The following PDE4D variants were observed in gnomAD, a reference collection of about 807,000 sequenced individuals.
The protein encoded by PDE4D is 3',5'-cyclic-AMP phosphodiesterase 4D.
PDE4D carries 24 observed loss-of-function variants against 87.4 expected under a neutral mutation model. The observed-to-expected ratio is 0.27, with a 90% confidence interval of 0.20 to 0.39. The LOEUF is 0.39. Among genes scored for constraint, PDE4D ranks in the 10% least tolerant of loss-of-function variants. The pLI is 1.00. For synonymous variants in PDE4D, 384 were observed against 383.2 expected (o/e 1.00, Z -0.02); for missense variants, 714 against 1,041.0 (o/e 0.69, Z 4.32).
intron 3 of PDE4D, among the ~76,000 whole-genome samples, chr5:59,931,736 C>CT (rs1755961729): frequency 7.6e-6 from 1 of 131,086 alleles, no homozygotes; most frequent in African/African-American, 2.8e-5. Flanking sequence ...GAGTCTCACT[C>CT]TGTCGCCCAG....
chr5:60,502,470 T>G (rs1750128972), intron 1 of PDE4D, among the ~76,000 whole-genome samples: 1 of 152,196 alleles, frequency 6.6e-6, no homozygotes, highest in Non-Finnish European at 1.5e-5. Flanking sequence ...GGCTTAGGAT[T>G]GACTTGGCAA....
At chr5:59,862,135 G>T (rs1162787577) in intron 1 of PDE4D, among the ~76,000 whole-genome samples, 1 of 151,992 alleles carries the variant, frequency 6.6e-6, no homozygotes, top group African/African-American at 2.4e-5. Context: ...ATGCCTAACT[G>T]GCCGCTCCTA....
chr5:60,193,246 A>G lies in PDE4D; in HGVS notation c.-89-7559T>C, dbSNP rs566212161. On this transcript the variant is annotated intron_variant, in intron 1 of 16. Coordinates refer to the PDE4D transcript ENST00000502484. ...TCCGGGAATGCAAAACACATGGAAC[A>G]TGAGACAAATGCAAATAAACAACTG... Among the ~76,000 whole-genome samples, 3 of 152,334 alleles carry G rather than the reference A, an allele frequency of 2.0e-5. No homozygotes were observed. In the East Asian group the frequency reaches 5.8e-4, roughly 29 times the overall value.
intron 1 of PDE4D, among the ~76,000 whole-genome samples, chr5:59,328,595 G>A (rs1382567842): frequency 6.6e-6 from 1 of 152,174 alleles, no homozygotes; most frequent in Non-Finnish European, 1.5e-5. Flanking sequence ...ACACTTCAGA[G>A]GGCTAAATTA....
intron 3 of PDE4D, among the ~76,000 whole-genome samples, chr5:59,899,915 C>T (rs994529146): frequency 3.3e-5 from 5 of 152,120 alleles, no homozygotes; most frequent in African/African-American, 1.2e-4. Context: ...ATTCATATAG[C>T]TACAGATTGA....
intron 2 of PDE4D, among the ~76,000 whole-genome samples, chr5:60,132,869 AT>A (rs1779706112): frequency 6.6e-6 from 1 of 152,114 alleles, no homozygotes; most frequent in African/African-American, 2.4e-5. Context: ...GAAAAAAAAA[AT>A]TACTCAAGTA....
intron 1 of PDE4D, among the ~76,000 whole-genome samples, chr5:60,347,307 G>T (rs993889403): frequency 6.6e-6 from 1 of 152,104 alleles, no homozygotes; most frequent in Non-Finnish European, 1.5e-5. Flanking sequence ...AAGTTAAGGA[G>T]CAGGAGAAAG....
chr5:59,103,318 G>A (rs71626136), intron 5 of PDE4D, among the ~76,000 whole-genome samples: 109 of 152,230 alleles, frequency 7.2e-4, no homozygotes, highest in Non-Finnish European at 9.4e-4. Context: ...TTTAAATGGA[G>A]TATTTACCAG....
intron 1 of PDE4D, among the ~76,000 whole-genome samples, chr5:60,309,285 CA>C (rs1020693193): frequency 4.6e-5 from 7 of 152,054 alleles, no homozygotes; most frequent in Non-Finnish European, 1.0e-4. Flanking sequence ...ATTCAGATTA[CA>C]ATGAATTCTG....
chr5:60,490,508 T>C (rs1252546710), upstream of PDE4D: 1 of 152,244 alleles, frequency 6.6e-6, no homozygotes, highest in Admixed American at 6.5e-5. Context: ...TGCCTAAAAT[T>C]ACTAATGCAC....
chr5:59,328,387 G>C, intron 1 of PDE4D, among the ~76,000 whole-genome samples: 11 of 152,176 alleles, frequency 7.2e-5, no homozygotes, highest in Admixed American at 1.3e-4. Flanking sequence ...AAGTATAGCT[G>C]TTATATGGGA....
At chr5:60,369,365 A>G (rs1453267709) in intron 1 of PDE4D, among the ~76,000 whole-genome samples, 1 of 152,086 alleles carries the variant, frequency 6.6e-6, no homozygotes, top group Non-Finnish European at 1.5e-5. Flanking sequence ...CAGAGAGGAC[A>G]TTTTGATCCT....
chr5:59,860,354 T>G (rs1162814860), intron 1 of PDE4D, among the ~76,000 whole-genome samples: 1 of 152,224 alleles, frequency 6.6e-6, no homozygotes, highest in Non-Finnish European at 1.5e-5. Flanking sequence ...AAGAGCACTT[T>G]CTTCTTAATT....
chr5:60,337,692 A>AC (rs1757934552), intron 1 of PDE4D, among the ~76,000 whole-genome samples: 2 of 152,018 alleles, frequency 1.3e-5, no homozygotes, highest in Admixed American at 1.3e-4. Context: ...TTCAGACACC[A>AC]TTTTATTCCT....
At chr5:59,032,416 C>T (rs1757722975) in intron 6 of PDE4D, among the ~76,000 whole-genome samples, 1 of 152,126 alleles carries the variant, frequency 6.6e-6, no homozygotes, top group Non-Finnish European at 1.5e-5. Flanking sequence ...CCCATCTCTA[C>T]TCAAAATACA....
intron 1 of PDE4D, among the ~76,000 whole-genome samples, chr5:59,768,007 T>G (rs1228116670): frequency 6.6e-6 from 1 of 152,136 alleles, no homozygotes; most frequent in African/African-American, 2.4e-5. Context: ...TGTAGGAACT[T>G]GCAATAGGAA....
chr5:60,519,413 G>C (rs945606782), intron 1 of PDE4D, among the ~76,000 whole-genome samples: 7 of 152,138 alleles, frequency 4.6e-5, no homozygotes, highest in African/African-American at 1.2e-4. Context: ...TCCTAAAATG[G>C]CCATTTGGTT....
At chr5:60,501,270 G>A (rs1266571230) in intron 1 of PDE4D, among the ~76,000 whole-genome samples, 3 of 151,930 alleles carry the variant, frequency 2.0e-5, no homozygotes, top group East Asian at 1.9e-4. Flanking sequence ...TTGTTCTTGC[G>A]ATAGTTTACT....
At chr5:59,023,003 GTC>G (rs1305593481) in intron 6 of PDE4D, among the ~76,000 whole-genome samples, 1 of 152,036 alleles carries the variant, frequency 6.6e-6, no homozygotes, top group Non-Finnish European at 1.5e-5. Flanking sequence ...GTGAAACCCT[GTC>G]TCTACTAAAA....
Sources: gnomAD v4.1 joint callset for allele counts (sites outside exome capture counted in the v4.1 genomes callset) on GRCh38, gnomAD v4.1.1 for gene constraint, MANE v1.5 for transcripts, NCBI Gene and HGNC (gene_info 2026-07-23, HGNC 2026-07-21) for gene names.